PTPRN2: variants seen among roughly 807,000 people sequenced by gnomAD.
The protein encoded by PTPRN2 is protein tyrosine phosphatase receptor type N2.
PTPRN2 carries 74 observed loss-of-function variants against 118.8 expected under a neutral mutation model. The observed-to-expected ratio is 0.62, with a 90% confidence interval of 0.52 to 0.76. PTPRN2 has a LOEUF of 0.76. Ranked by LOEUF, PTPRN2 falls within the 30% of genes least tolerant of loss-of-function variation. The probability of loss-of-function intolerance (pLI) is 0.00; values close to 1 mark genes in which losing one functional copy is unlikely to be tolerated. For synonymous variants in PTPRN2, 641 were observed against 608.0 expected (o/e 1.05, Z -0.80); for missense variants, 1,481 against 1,394.4 (o/e 1.06, Z -0.99).
chr7:157,669,537 G>A, intron 13 of PTPRN2: 1 of 491,110 alleles, frequency 2.0e-6, no homozygotes, highest in Non-Finnish European at 4.0e-6. Context: ...CCCAGTCAGG[G>A]GCTGTAAGCA....
intron 12 of PTPRN2, among the ~76,000 whole-genome samples, chr7:157,723,926 T>C (rs1191652123): frequency 1.3e-5 from 2 of 152,188 alleles, no homozygotes; most frequent in African/African-American, 4.8e-5. Context: ...CTATCCAAAT[T>C]TGATTTAATT....
rs112205266 is a variant in PTPRN2 at position 157,750,681 on chromosome 7, G to A, written c.1789-67744C>T. Reference sequence around the variant, plus strand: ...CAAAAGTTCAAAATGTCAAACTCCTGAGGCTTTCAGTTGTCCTCTCCCTCC... The same window carrying A: ...CAAAAGTTCAAAATGTCAAACTCCTAAGGCTTTCAGTTGTCCTCTCCCTCC... On this transcript the variant is annotated intron_variant, in intron 12 of 22. Coordinates refer to ENST00000389418, the MANE Select transcript of PTPRN2 (RefSeq NM_002847.5). Among the ~76,000 whole-genome samples, 824 of 152,366 alleles carry A rather than the reference G, an allele frequency of 5.4e-3. 5 individuals carry two copies. Among genetic ancestry groups the A allele is most frequent in the Admixed American group, 9.7e-3 (148 of 15,302 alleles).
chr7:158,193,217 G>A (rs900505930), intron 4 of PTPRN2, among the ~76,000 whole-genome samples: 2 of 152,206 alleles, frequency 1.3e-5, no homozygotes, highest in Non-Finnish European at 2.9e-5. Context: ...TAGGGCCAGC[G>A]AGGACAAGGC....
In PTPRN2 at chr7:157,893,280, G is replaced by A. The variant is rs561901559; in HGVS notation, c.1788+5393C>T. Reference sequence around the variant, plus strand: ...GAATGGCAAGGTCCATCCTCTGCTCGCTCAGGGGCCAGAGAGGACACAGGT... The same window carrying A: ...GAATGGCAAGGTCCATCCTCTGCTCACTCAGGGGCCAGAGAGGACACAGGT... On this transcript the variant is annotated intron_variant, in intron 12 of 22. Coordinates refer to ENST00000389418, the MANE Select transcript of PTPRN2 (RefSeq NM_002847.5). This position sits in a 1 kb window ranked among gnomAD's most constrained non-coding sequence, Gnocchi z 4.0. Among the ~76,000 whole-genome samples, 72 of 152,328 alleles carry A rather than the reference G, an allele frequency of 4.7e-4. No individual in the cohort carries two copies. In the Middle Eastern group the frequency reaches 0.01, roughly 22 times the overall value.
intron 22 of PTPRN2, among the ~76,000 whole-genome samples, chr7:157,544,179 GTGGAGAGAGA>G (rs1182552559): frequency 6.7e-6 from 1 of 149,118 alleles, no homozygotes; most frequent in Non-Finnish European, 1.5e-5. Context: ...ACGGAGAGAG[GTGGAGAGAGA>G]TGGAGAGCTA....
intron 12 of PTPRN2, among the ~76,000 whole-genome samples, chr7:157,853,572 G>A (rs1809454158): frequency 6.6e-6 from 1 of 152,094 alleles, no homozygotes; most frequent in Non-Finnish European, 1.5e-5. Context: ...CGGTCTTGGG[G>A]CACTTTCTCA....
chr7:157,869,660 G>A lies in PTPRN2; in HGVS notation c.1788+29013C>T, dbSNP rs1810932689. Among the ~76,000 whole-genome samples the A allele has an allele frequency of 6.6e-6, 1 of 152,068 alleles. No individual in the cohort carries two copies. Among genetic ancestry groups the A allele is most frequent in the East Asian group, 1.9e-4 (1 of 5,182 alleles). ...AATGGAAAACAAAAAGAAGTGAGAA[G>A]GAGCCAAACCAGGACTGTAGGGGGA... On this transcript the variant is annotated intron_variant, in intron 12 of 22. Transcript: ENST00000389418. This position sits in a 1 kb window ranked among gnomAD's most constrained non-coding sequence, Gnocchi z 4.2.
At chr7:157,725,315 C>A (rs1477457515) in intron 12 of PTPRN2, among the ~76,000 whole-genome samples, 4 of 113,528 alleles carry the variant, frequency 3.5e-5, no homozygotes, top group African/African-American at 1.6e-4. Context: ...AGGAGTGTGG[C>A]CAGACCCTCG....
At chr7:158,283,681 A>C (rs1337913500) in intron 3 of PTPRN2, among the ~76,000 whole-genome samples, 1 of 151,980 alleles carries the variant, frequency 6.6e-6, no homozygotes, top group Non-Finnish European at 1.5e-5. Context: ...ACCTCACCCC[A>C]CCCGCAGCCC....
At chr7:157,891,164 C>A (rs546281011) in intron 12 of PTPRN2, among the ~76,000 whole-genome samples, 1 of 152,170 alleles carries the variant, frequency 6.6e-6, no homozygotes, top group East Asian at 1.9e-4. Flanking sequence ...ATGGCCATGT[C>A]GAGCCATCAC....
intron 3 of PTPRN2, among the ~76,000 whole-genome samples, chr7:158,245,532 G>A (rs190108181): frequency 2.0e-5 from 3 of 152,270 alleles, no homozygotes; most frequent in Admixed American, 6.5e-5. Context: ...CCTTTCATCC[G>A]AGCCGACCTC....
intron 11 of PTPRN2, among the ~76,000 whole-genome samples, chr7:158,009,770 GA>G (rs1227504207): frequency 6.6e-6 from 1 of 152,178 alleles, no homozygotes; most frequent in Non-Finnish European, 1.5e-5. Flanking sequence ...AGCTTTGTTG[GA>G]AACAGCACAC....
chr7:157,684,320 G>C (rs1178817772), intron 12 of PTPRN2, among the ~76,000 whole-genome samples: 2 of 151,600 alleles, frequency 1.3e-5, no homozygotes, highest in African/African-American at 2.4e-5. Context: ...CTCCAGCGGC[G>C]GGAGGCGGTG....
At chr7:157,924,616 G>A (rs1028417197) in intron 11 of PTPRN2, among the ~76,000 whole-genome samples, 16 of 152,232 alleles carry the variant, frequency 1.1e-4, no homozygotes, top group Non-Finnish European at 2.2e-4. Context: ...CAGGATGCAC[G>A]GGGAGGACAC....
intron 12 of PTPRN2, among the ~76,000 whole-genome samples, chr7:157,699,889 C>T (rs1399902320): frequency 6.6e-6 from 1 of 152,300 alleles, no homozygotes; most frequent in South Asian, 2.1e-4. Flanking sequence ...GTGGGATGCA[C>T]GCTGGCATTC....
intron 11 of PTPRN2, among the ~76,000 whole-genome samples, chr7:157,948,413 C>T (rs1212171891): frequency 6.6e-6 from 1 of 151,988 alleles, no homozygotes; most frequent in East Asian, 1.9e-4. Flanking sequence ...AATTGTAATT[C>T]CCATGGTAAC....
At chr7:157,542,157 G>A (rs899680896) in intron 22 of PTPRN2, among the ~76,000 whole-genome samples, 2 of 152,126 alleles carry the variant, frequency 1.3e-5, no homozygotes, top group Non-Finnish European at 2.9e-5. Flanking sequence ...GGGCTGTGCC[G>A]GGAAGGTCCG....
chr7:158,243,399 C>A (rs528425113), intron 3 of PTPRN2, among the ~76,000 whole-genome samples: 5 of 152,328 alleles, frequency 3.3e-5, no homozygotes, highest in Non-Finnish European at 7.3e-5. Flanking sequence ...CATGTGAGCA[C>A]AACAGCCTGG....
intron 19 of PTPRN2, among the ~76,000 whole-genome samples, chr7:157,574,641 T>A (rs1799927352): frequency 6.6e-6 from 1 of 152,226 alleles, no homozygotes; most frequent in Admixed American, 6.5e-5. Context: ...TAATCACACA[T>A]CTCGGTGCCT....
Sources: allele counts gnomAD v4.1 joint callset (sites outside exome capture counted in the v4.1 genomes callset), GRCh38; gene constraint gnomAD v4.1.1; non-coding constraint Gnocchi (gnomAD v3.1); transcripts MANE v1.5; gene names NCBI Gene and HGNC (gene_info 2026-07-23, HGNC 2026-07-21).